FBXL4: variants seen among roughly 807,000 people sequenced by gnomAD.
FBXL4 encodes F-box and leucine rich repeat protein 4, also known as F-box/LRR-repeat protein 4.
In FBXL4, 40 loss-of-function variants were observed where a neutral mutation model predicts 58.9. The ratio of observed to expected loss-of-function variants is 0.68; its 90% confidence interval spans 0.53 to 0.88. The LOEUF is 0.88. Ranked by LOEUF, FBXL4 falls within the 40% of genes least tolerant of loss-of-function variation. The pLI, the probability that FBXL4 is intolerant of heterozygous loss-of-function variation, is 0.00. For missense variants in FBXL4, 676 were observed against 734.4 expected (o/e 0.92, Z 0.92); for synonymous variants, 263 against 265.5 (o/e 0.99, Z 0.09).
chr6:98,912,560 T>C (rs565265341), intron 5 of FBXL4, among the ~76,000 whole-genome samples: 19 of 152,218 alleles, frequency 1.2e-4, no homozygotes, highest in African/African-American at 3.9e-4. Flanking sequence ...CCCAAAATTT[T>C]ATATCCAGCC....
At chr6:98,917,958 C>T (rs1772434256) in intron 4 of FBXL4, among the ~76,000 whole-genome samples, 1 of 152,114 alleles carries the variant, frequency 6.6e-6, no homozygotes, top group South Asian at 2.1e-4. Context: ...TCACATTGAT[C>T]AGTTTAAAAA....
chr6:98,904,469 A>G (rs900186353), intron 6 of FBXL4, among the ~76,000 whole-genome samples: 5 of 152,196 alleles, frequency 3.3e-5, no homozygotes, highest in Admixed American at 3.3e-4. Flanking sequence ...TAAATCTAAC[A>G]ATATCAAATC....
intron 7 of FBXL4, among the ~76,000 whole-genome samples, chr6:98,892,451 T>G (rs956687364): frequency 1.3e-5 from 2 of 152,234 alleles, no homozygotes; most frequent in Admixed American, 6.5e-5. Flanking sequence ...GCAATGGCTC[T>G]TTTAAAAGAA....
chr6:98,918,368 G>C (rs1049700212), intron 4 of FBXL4, among the ~76,000 whole-genome samples: 2 of 152,076 alleles, frequency 1.3e-5, no homozygotes, highest in East Asian at 1.9e-4. Flanking sequence ...ATGAACTCCT[G>C]CTTCCCAGCC....
At position 98,871,759 on chromosome 6, in the gene FBXL4, T is replaced by C. The variant is rs1388303998; in HGVS notation, c.*2519A>G. ...TAGTTTCTGATAGATTAAACATCAA[T>C]GGTTCAGTTATCTTTTGTCAGATAC... On this transcript the variant is annotated 3_prime_UTR_variant, in exon 10 of 10. Coordinates refer to ENST00000369244, the MANE Select transcript of FBXL4 (RefSeq NM_001278716.2). 6.6e-6 allele frequency: 1 copy of C among 152,202 alleles called. No individual in the cohort carries two copies. The highest frequency in any genetic ancestry group is 1.5e-5 in the Non-Finnish European group (1 of 68,032). 9.4% of individuals were successfully genotyped at this position (152,202 alleles called of 1,614,324 possible).
At chr6:98,886,816 C>T (rs987614190) in intron 7 of FBXL4, among the ~76,000 whole-genome samples, 2 of 152,228 alleles carry the variant, frequency 1.3e-5, no homozygotes, top group Non-Finnish European at 2.9e-5. Context: ...TCTCTTCTTT[C>T]TCTAAGACTT....
At position 98,899,371 on chromosome 6, in the gene FBXL4, G is replaced by T. The variant is rs140490040; in HGVS notation, c.1214C>A (p.Ala405Asp). ...CTTATCACAGGAGGAGAGATTTAAGGCCTGTAGATTTGGACACATCTCAGA... is the reference window on the plus strand; with the variant it reads ...CTTATCACAGGAGGAGAGATTTAAGTCCTGTAGATTTGGACACATCTCAGA... ...VISEMCPNLQALNLSSCDKLP... is the reference protein window; with the variant it reads ...VISEMCPNLQDLNLSSCDKLP... The change falls in exon 7 of 10, where the codon GCC (alanine) becomes GAC (aspartate). Residue 405 changes from alanine to aspartate, a missense_variant. Transcript: ENST00000369244. 150 of 1,613,838 alleles carry T rather than the reference G, an allele frequency of 9.3e-5. No individual in the cohort carries two copies. Among genetic ancestry groups the T allele is most frequent in the Non-Finnish European group, 1.2e-4 (145 of 1,179,966 alleles).
At chr6:98,933,344 C>T (rs905160412) in intron 2 of FBXL4, among the ~76,000 whole-genome samples, 2 of 152,160 alleles carry the variant, frequency 1.3e-5, no homozygotes, top group African/African-American at 4.8e-5. Flanking sequence ...TTTTTGATAA[C>T]ATGATATACA....
intron 7 of FBXL4, among the ~76,000 whole-genome samples, chr6:98,889,727 G>C (rs1204335407): frequency 6.6e-6 from 1 of 150,854 alleles, no homozygotes; most frequent in Non-Finnish European, 1.5e-5. Flanking sequence ...AACAGTTTTA[G>C]TTAGTGAAAT....
chr6:98,902,814 G>A (rs1234212049), intron 6 of FBXL4, among the ~76,000 whole-genome samples: 1 of 152,004 alleles, frequency 6.6e-6, no homozygotes, highest in Non-Finnish European at 1.5e-5. Flanking sequence ...TAGAAAAGTG[G>A]AATTATAATA....
At chr6:98,908,467 T>A (rs568840048) in intron 5 of FBXL4, among the ~76,000 whole-genome samples, 2 of 152,312 alleles carry the variant, frequency 1.3e-5, no homozygotes, top group East Asian at 1.9e-4. Flanking sequence ...TACTGCAATA[T>A]CATTGTGTGT....
At chr6:98,901,089 A>G (rs1331394137) in intron 6 of FBXL4, among the ~76,000 whole-genome samples, 1 of 152,134 alleles carries the variant, frequency 6.6e-6, no homozygotes, top group Non-Finnish European at 1.5e-5. Flanking sequence ...GAAGCTTACT[A>G]ATGTTTTGAA....
intron 4 of FBXL4, among the ~76,000 whole-genome samples, chr6:98,923,200 TCAC>T (rs1772650159): frequency 6.6e-6 from 1 of 152,122 alleles, no homozygotes; most frequent in Non-Finnish European, 1.5e-5. Flanking sequence ...GACTGGGACT[TCAC>T]ATGATATTGC....
At chr6:98,911,035 C>A (rs750569095) in intron 5 of FBXL4, among the ~76,000 whole-genome samples, 15 of 63,472 alleles carry the variant, frequency 2.4e-4, no homozygotes, top group Non-Finnish European at 4.8e-4. Context: ...TATCCCGCAC[C>A]TGGCTCGGAG....
intron 2 of FBXL4, among the ~76,000 whole-genome samples, chr6:98,932,385 A>G (rs1773045972): frequency 6.6e-6 from 1 of 152,254 alleles, no homozygotes; most frequent in Admixed American, 6.5e-5. Flanking sequence ...ACTTGCTTTT[A>G]TACAACATGA....
At chr6:98,920,282 C>T (rs1397851945) in intron 4 of FBXL4, among the ~76,000 whole-genome samples, 1 of 152,102 alleles carries the variant, frequency 6.6e-6, no homozygotes, top group Admixed American at 6.6e-5. Context: ...ACACTGACTT[C>T]CTTAACATTT....
At chr6:98,946,845 T>C (rs1031395248) in intron 1 of FBXL4, among the ~76,000 whole-genome samples, 6 of 152,352 alleles carry the variant, frequency 3.9e-5, no homozygotes, top group Non-Finnish European at 8.8e-5. Context: ...GGAGCGCTGA[T>C]GACTCTGGAT....
intron 1 of FBXL4, among the ~76,000 whole-genome samples, chr6:98,943,579 CAAAAAAA>C (rs59697294): frequency 1.3e-5 from 1 of 76,692 alleles, no homozygotes; most frequent in Non-Finnish European, 2.3e-5. Flanking sequence ...GACTCTGTCT[CAAAAAAA>C]AAAAAAAAAA....
At chr6:98,902,438 A>G (rs1233504230) in intron 6 of FBXL4, among the ~76,000 whole-genome samples, 2 of 152,186 alleles carry the variant, frequency 1.3e-5, no homozygotes, top group African/African-American at 4.8e-5. Flanking sequence ...AGAGTTGACA[A>G]TCTAAGACAC....
Sources: allele counts gnomAD v4.1 joint callset (sites outside exome capture counted in the v4.1 genomes callset), GRCh38; gene constraint gnomAD v4.1.1; transcripts MANE v1.5; gene names NCBI Gene and HGNC (gene_info 2026-07-23, HGNC 2026-07-21).